The following SKIL variants were observed in gnomAD, a reference collection of about 807,000 sequenced individuals.
The protein encoded by SKIL is ski-like protein.
In SKIL, 20 loss-of-function variants were observed where a neutral mutation model predicts 69.6. That is an observed-to-expected ratio of 0.29 (90% CI 0.20 to 0.42). The LOEUF (loss-of-function observed/expected upper bound fraction) is 0.42. Among genes scored for constraint, SKIL ranks in the 10% least tolerant of loss-of-function variants. SKIL has a pLI of 1.00. For synonymous variants in SKIL, 310 were observed against 279.9 expected (o/e 1.11, Z -1.08); for missense variants, 745 against 783.1 (o/e 0.95, Z 0.58).
At chr3:170,387,909 G>C (rs1278999035) in intron 4 of SKIL, among the ~76,000 whole-genome samples, 1 of 136,164 alleles carries the variant, frequency 7.3e-6, no homozygotes, top group Non-Finnish European at 1.6e-5. Flanking sequence ...ACTCCAGCCT[G>C]GGCGACAGAG....
chr3:170,362,678 G>C (rs1351699744), intron 2 of SKIL, among the ~76,000 whole-genome samples: 5 of 151,484 alleles, frequency 3.3e-5, no homozygotes, highest in African/African-American at 4.9e-5. Flanking sequence ...AGCCAGGCAT[G>C]GTGGTGTGTG....
intron 2 of SKIL, among the ~76,000 whole-genome samples, chr3:170,362,833 C>T (rs1232258202): frequency 2.7e-5 from 4 of 149,454 alleles, no homozygotes; most frequent in African/African-American, 9.9e-5. Context: ...AAAACACAAC[C>T]ACCTATCAGC....
Position 170,370,439 on chromosome 3 carries a change from G to GCCCCCCCC in SKIL, c.1098+9019_1098+9026dup, listed in dbSNP as rs34185518. On this transcript the variant is annotated intron_variant, in intron 2 of 6. Coordinates refer to ENST00000259119, the MANE Select transcript of SKIL (RefSeq NM_005414.5). ...ATATATACAGAGAGAGAGAGAGAGA[G>GCCCCCCCC]CCCCCCCCCCCCCCCCGAGCAGGAG... Among the ~76,000 whole-genome samples, 2 of 11,194 alleles carry GCCCCCCCC rather than the reference G, an allele frequency of 1.8e-4. 1 individual carries two copies. The highest frequency in any genetic ancestry group is 3.4e-4 in the Non-Finnish European group (2 of 5,816). 7.3% of individuals were successfully genotyped at this position (11,194 alleles called of 152,430 possible).
intron 2 of SKIL, among the ~76,000 whole-genome samples, chr3:170,376,867 G>A (rs1018107502): frequency 6.6e-6 from 1 of 152,112 alleles, no homozygotes; most frequent in African/African-American, 2.4e-5. Context: ...GATGTGAGCC[G>A]TTGCGCCTGG....
At position 170,360,956 on chromosome 3, in the gene SKIL, G is replaced by A; in HGVS notation, c.625G>A (p.Gly209Ser). ...CCAGCTTCATATCTTAAAGGTACTG[G>A]GCATACTTCCATTCAATGCCCCATC... ...SDQLHILKVL[G>S]ILPFNAPSCG... The change falls in exon 2 of 7, where the codon GGC (glycine) becomes AGC (serine). Residue 209 changes from glycine (G) to serine (S), a missense_variant. Transcript: ENST00000259119. The A allele has an allele frequency of 6.2e-7, 1 of 1,614,084 alleles. No individual in the cohort carries two copies. The highest frequency in any genetic ancestry group is 8.5e-7 in the Non-Finnish European group (1 of 1,180,036).
At chr3:170,363,625 A>G (rs1173761824) in intron 2 of SKIL, among the ~76,000 whole-genome samples, 1 of 150,948 alleles carries the variant, frequency 6.6e-6, no homozygotes, top group African/African-American at 2.4e-5. Context: ...CACTGGGATT[A>G]CAGGCATCAG....
At chr3:170,379,612 A>G (rs1737222421) in intron 2 of SKIL, among the ~76,000 whole-genome samples, 1 of 152,058 alleles carries the variant, frequency 6.6e-6, no homozygotes, top group South Asian at 2.1e-4. Context: ...ACCACAGATC[A>G]TTTATTCTTT....
chr3:170,365,057 C>T (rs1159568939), intron 2 of SKIL, among the ~76,000 whole-genome samples: 2 of 152,286 alleles, frequency 1.3e-5, no homozygotes, highest in African/African-American at 2.4e-5. Flanking sequence ...ATATTTAATA[C>T]GTACTTGAGT....
At position 170,361,028 on chromosome 3, in the gene SKIL, T is replaced by C; in HGVS notation, c.697T>C (p.Leu233=). The change falls in exon 2 of 7, where the codon TTA becomes CTA. Residue 233 remains leucine, a synonymous_variant. Coordinates refer to ENST00000259119, the MANE Select transcript of SKIL (RefSeq NM_005414.5). ...LTDAQRLCNA[L]LRPRTFPQNG... ...TGATGCACAAAGATTATGTAATGCT[T>C]TATTGCGGCCACGAACTTTTCCTCA... 4 of 1,614,224 alleles carry C rather than the reference T, an allele frequency of 2.5e-6. No homozygotes were observed. The highest frequency in any genetic ancestry group is 3.4e-6 in the Non-Finnish European group (4 of 1,180,034).
At chr3:170,382,286 T>C (rs1457641849) in intron 3 of SKIL, among the ~76,000 whole-genome samples, 2 of 152,172 alleles carry the variant, frequency 1.3e-5, no homozygotes, top group African/African-American at 2.4e-5. Context: ...ACTATGTGTT[T>C]CTATGTGTTT....
chr3:170,374,597 C>CT (rs1379249092), intron 2 of SKIL, among the ~76,000 whole-genome samples: 21 of 152,014 alleles, frequency 1.4e-4, no homozygotes, highest in Non-Finnish European at 2.8e-4. Flanking sequence ...TTATATTGTT[C>CT]TTTTTTTGAA....
At chr3:170,389,718 C>G (rs1202388070) in intron 4 of SKIL, among the ~76,000 whole-genome samples, 2 of 152,166 alleles carry the variant, frequency 1.3e-5, no homozygotes, top group African/African-American at 4.8e-5. Context: ...GAATTCTGTT[C>G]TACTGATCTG....
chr3:170,367,265 CGCCTG>C (rs1358536860), intron 2 of SKIL, among the ~76,000 whole-genome samples: 1 of 152,036 alleles, frequency 6.6e-6, no homozygotes, highest in Non-Finnish European at 1.5e-5. Context: ...CCCATCACCA[CGCCTG>C]GCTAATTTTT....
At position 170,359,793 on chromosome 3, in the gene SKIL, G is replaced by A. The variant is rs948665232; in HGVS notation, c.-539G>A. The A allele has an allele frequency of 1.3e-5, 2 of 152,242 alleles. No individual in the cohort carries two copies. The highest frequency in any genetic ancestry group is 4.8e-5 in the African/African-American group (2 of 41,392). 9.4% of individuals were successfully genotyped at this position (152,242 alleles called of 1,614,324 possible). On this transcript the variant is annotated 5_prime_UTR_variant, in exon 2 of 7. Transcript: ENST00000259119. The stretch of plus-strand genomic sequence containing the variant: ...CTTACTGGTGTGAGGATTTACACAC[G>A]TCTTCAGTTTTTCAGCACAGACCAG...
intron 2 of SKIL, among the ~76,000 whole-genome samples, chr3:170,378,422 T>G (rs1234476223): frequency 6.6e-6 from 1 of 152,238 alleles, no homozygotes; most frequent in East Asian, 1.9e-4. Context: ...TAATCACTAC[T>G]GCTTAACATC....
intron 3 of SKIL, among the ~76,000 whole-genome samples, chr3:170,382,531 T>C (rs1737406954): frequency 6.7e-6 from 1 of 149,026 alleles, no homozygotes; most frequent in African/African-American, 2.5e-5. Context: ...TCTCTTGTCA[T>C]GGCATCCTGT....
At chr3:170,375,199 T>C (rs1309965883) in intron 2 of SKIL, among the ~76,000 whole-genome samples, 1 of 152,228 alleles carries the variant, frequency 6.6e-6, no homozygotes, top group African/African-American at 2.4e-5. Context: ...AGGTGATCTT[T>C]AAGATTCCTT....
intron 2 of SKIL, among the ~76,000 whole-genome samples, chr3:170,366,801 A>G (rs1392232747): frequency 6.6e-6 from 1 of 152,054 alleles, no homozygotes; most frequent in Non-Finnish European, 1.5e-5. Flanking sequence ...TTTTTATTGG[A>G]ATAATCATTA....
intron 3 of SKIL, among the ~76,000 whole-genome samples, chr3:170,384,073 G>T (rs1737495397): frequency 6.6e-6 from 1 of 150,392 alleles, no homozygotes; most frequent in Non-Finnish European, 1.5e-5. Flanking sequence ...CTTGCAAGCT[G>T]GTTATGGTTG....
Sources: gnomAD v4.1 joint callset for allele counts (sites outside exome capture counted in the v4.1 genomes callset) on GRCh38, gnomAD v4.1.1 for gene constraint, MANE v1.5 for transcripts, NCBI Gene and HGNC (gene_info 2026-07-23, HGNC 2026-07-21) for gene names.